PPFIA4: variants seen among roughly 807,000 people sequenced by gnomAD.
PPFIA4 encodes the protein PPFI scaffold protein A4.
A neutral mutation model predicts 145.7 loss-of-function variants in PPFIA4; 98 were observed. That is an observed-to-expected ratio of 0.67 (90% CI 0.57 to 0.80). The LOEUF (loss-of-function observed/expected upper bound fraction) is 0.80, where lower values mean the gene tolerates loss of function less well. Among genes scored for constraint, PPFIA4 ranks in the 30% least tolerant of loss-of-function variants. PPFIA4 has a pLI of 0.00. For synonymous variants in PPFIA4, 628 were observed against 649.6 expected (o/e 0.97, Z 0.51); for missense variants, 1,457 against 1,632.7 (o/e 0.89, Z 1.85).
At chr1:203,056,201 C>T (rs758050682) in intron 17 of PPFIA4, 46 bp downstream of exon 17, 2 of 1,612,874 alleles carry the variant, frequency 1.2e-6, no homozygotes, top group Admixed American at 3.3e-5. Flanking sequence ...TCACTGCTCC[C>T]ATGCCCTTTC....
At chr1:203,076,247 T>C in intron 29 of PPFIA4, 94 bp from the exon 30 acceptor site, 1 of 1,387,966 alleles carries the variant, frequency 7.2e-7, no homozygotes, top group Non-Finnish European at 1.0e-6. Flanking sequence ...TGGAGCACGC[T>C]GCGTTGCCGC....
intron 1 of PPFIA4, chr1:203,037,072 A>T (rs1659328752): frequency 4.1e-6 from 1 of 243,678 alleles, no homozygotes. Context: ...AAGGGCTGCG[A>T]GTGTGAGCTC....
rs1662622327 is a variant in PPFIA4 at position 203,077,483 on chromosome 1, G to C, written c.*1093G>C. The C allele has an allele frequency of 6.6e-6, 1 of 152,132 alleles. No homozygotes were observed. The highest frequency in any genetic ancestry group is 2.4e-5 in the African/African-American group (1 of 41,426). 9.4% of individuals were successfully genotyped at this position (152,132 alleles called of 1,614,324 possible). On this transcript the variant is annotated 3_prime_UTR_variant, in exon 30 of 30. Transcript: ENST00000295706. ...AGGCAGACTAAGGCCTCCTTTCTCTGACCTCCCAGGAAGAAAATAGCTTCT... is the reference window on the plus strand; with the variant it reads ...AGGCAGACTAAGGCCTCCTTTCTCTCACCTCCCAGGAAGAAAATAGCTTCT...
intron 28 of PPFIA4, among the ~76,000 whole-genome samples, chr1:203,072,676 A>G (rs529395319): frequency 2.6e-5 from 4 of 152,294 alleles, no homozygotes; most frequent in African/African-American, 9.6e-5. Context: ...CTTCAGTCCA[A>G]TCACTGTTTC....
Position 203,048,655 on chromosome 1 carries a change from G to A in PPFIA4, c.1297G>A (p.Glu433Lys), listed in dbSNP as rs758548812. ...LSDTVDRLLS[E>K]SNERLQLHLK... Reference sequence around the variant, plus strand: ...GGACACAGTGGACCGGCTGCTCAGCGAGTCCAACGAGCGTCTGCAGCTCCA... The same window carrying A: ...GGACACAGTGGACCGGCTGCTCAGCAAGTCCAACGAGCGTCTGCAGCTCCA... The change falls in exon 11 of 30, where the codon GAG becomes AAG. Residue 433 changes from glutamate to lysine, a missense_variant. Around this residue, in one of 3 missense-constraint regions of PPFIA4, gnomAD observed 848 missense variants for 1,046.7 expected, o/e 0.81. Transcript: ENST00000295706. The surrounding 1 kb of genome is among the most constrained non-coding windows in gnomAD (Gnocchi z 5.8). The A allele has an allele frequency of 2.5e-6, 4 of 1,607,478 alleles. No homozygotes were observed. The highest frequency in any genetic ancestry group is 8.5e-7 in the Non-Finnish European group (1 of 1,177,914).
rs1227504173 is a variant in PPFIA4 at position 203,060,069 on chromosome 1, T to C, written c.2584-148T>C. On this transcript the variant is annotated intron_variant, in intron 21 of 29. Coordinates refer to ENST00000295706, the MANE Select transcript of PPFIA4 (RefSeq NM_001304331.2). This position sits in a 1 kb window ranked among gnomAD's most constrained non-coding sequence, Gnocchi z 4.8. ...ACTTTTAATCTGTAAAATGGGAGAG[T>C]GAGGGGTTTGATGACCGCCACATTC... is the stretch of plus-strand genomic sequence containing the variant. 1.3e-6 allele frequency: 1 copy of C among 787,206 alleles called. No individual in the cohort carries two copies. The highest frequency in any genetic ancestry group is 2.1e-6 in the Non-Finnish European group (1 of 481,760). The allele number at this position is 787,206 out of a possible 1,614,324, so 48.8% of individuals were successfully genotyped here. A position where few individuals can be genotyped will look rare whatever the true frequency, so the allele number is the denominator to read the frequency against.
In PPFIA4 at chr1:203,044,794, T is replaced by A; in HGVS notation, c.666+9T>A. On this transcript the variant is annotated intron_variant, in intron 6 of 29. Coordinates refer to ENST00000295706, the MANE Select transcript of PPFIA4 (RefSeq NM_001304331.2). ...CGAAACGCCTGTGGAAGGTAGGTCA[T>A]GGAGAGCTGTGTAGCAGGGGTCATG... is the stretch of plus-strand genomic sequence containing the variant. 6.4e-7 allele frequency: 1 copy of A among 1,556,658 alleles called. No homozygotes were observed. The highest frequency in any genetic ancestry group is 8.7e-7 in the Non-Finnish European group (1 of 1,150,368).
At chr1:203,044,498 G>C (rs1358694218) in intron 5 of PPFIA4, 45 bp downstream of exon 5, 1 of 1,533,164 alleles carries the variant, frequency 6.5e-7, no homozygotes, top group Admixed American at 2.0e-5. Flanking sequence ...TGGAAGTCCA[G>C]GCTGGTTCAC....
At chr1:203,028,559 T>C (rs1045198512) in intron 1 of PPFIA4, among the ~76,000 whole-genome samples, 10 of 152,166 alleles carry the variant, frequency 6.6e-5, no homozygotes, top group Non-Finnish European at 1.5e-4. Flanking sequence ...AAGGACATTC[T>C]TCCCTGGGCT....
Position 203,055,995 on chromosome 1 carries a change from T to G in PPFIA4, c.2071-125T>G. 1 of 952,706 alleles carries G rather than the reference T, an allele frequency of 1.0e-6. No individual in the cohort carries two copies. The highest frequency in any genetic ancestry group is 1.6e-6 in the Non-Finnish European group (1 of 643,902). 59.0% of individuals were successfully genotyped at this position (952,706 alleles called of 1,614,324 possible). A position where few individuals can be genotyped will look rare whatever the true frequency, so the allele number is the denominator to read the frequency against. On this transcript the variant is annotated intron_variant, in intron 16 of 29. Coordinates refer to ENST00000295706, the MANE Select transcript of PPFIA4 (RefSeq NM_001304331.2). This position sits in a 1 kb window ranked among gnomAD's most constrained non-coding sequence, Gnocchi z 4.8. ...TTTTTTTTTTTTTCTGGCGTGATAT[T>G]CTCTCCGGGCCTGTGTGAGGCACTG...
chr1:203,034,183 T>G (rs1337910877), intron 1 of PPFIA4, among the ~76,000 whole-genome samples: 1 of 152,066 alleles, frequency 6.6e-6, no homozygotes, highest in Non-Finnish European at 1.5e-5. Context: ...GGAAGTGGTG[T>G]TTGAGATGAG....
In PPFIA4 at chr1:203,043,886, A is replaced by G; in HGVS notation, c.337-45A>G. The G allele has an allele frequency of 6.5e-7, 1 of 1,537,570 alleles. No individual in the cohort carries two copies. Among genetic ancestry groups the G allele is most frequent in the Non-Finnish European group, 8.8e-7 (1 of 1,139,558 alleles). Reference sequence around the variant, plus strand: ...ACCCTGCTTGTAGCCCCTGGGGCACATGCTTACAGCCCTCCCTCTCACCCT... The same window carrying G: ...ACCCTGCTTGTAGCCCCTGGGGCACGTGCTTACAGCCCTCCCTCTCACCCT... On this transcript the variant is annotated intron_variant, in intron 3 of 29. Transcript: ENST00000295706. The surrounding 1 kb of genome is among the most constrained non-coding windows in gnomAD (Gnocchi z 4.4).
Position 203,043,671 on chromosome 1 carries a change from G to A in PPFIA4, c.336+173G>A, listed in dbSNP as rs571415142. Among the ~76,000 whole-genome samples the A allele has an allele frequency of 1.2e-3, 190 of 152,230 alleles. No individual in the cohort carries two copies. Among genetic ancestry groups the A allele is most frequent in the African/African-American group, 4.2e-3 (176 of 41,526 alleles). On this transcript the variant is annotated intron_variant, in intron 3 of 29. Transcript: ENST00000295706. The surrounding 1 kb of genome is among the most constrained non-coding windows in gnomAD (Gnocchi z 4.4). ...CCCATCCTGGGGTGAGAGTTACATC[G>A]TTTAACCACCAGTGCTGGGCTCTCC... is the stretch of plus-strand genomic sequence containing the variant.
chr1:203,035,852 CT>C (rs11340451), intron 1 of PPFIA4, among the ~76,000 whole-genome samples: 134,858 of 152,200 alleles, frequency 0.89, 62,046 homozygotes, highest in Non-Finnish European at 1. Context: ...TCAGGGGCAT[CT>C]TGCCTGGCAG....
rs370075411 is a variant in PPFIA4, at chr1:203,067,262, G to A, written c.3051-433G>A. Among the ~76,000 whole-genome samples, 18 of 152,300 alleles carry A rather than the reference G, an allele frequency of 1.2e-4. 2 individuals are homozygous for A. Among genetic ancestry groups the A allele is most frequent in the Admixed American group, 7.8e-4 (12 of 15,304 alleles). ...AAGAGGGAGAGTGGCTGAAGTGGGT[G>A]TTAAATGGGTAGTGGAGCAGATCAT... On this transcript the variant is annotated intron_variant, in intron 25 of 29. Coordinates refer to ENST00000295706, the MANE Select transcript of PPFIA4 (RefSeq NM_001304331.2).
intron 2 of PPFIA4, among the ~76,000 whole-genome samples, chr1:203,042,573 C>T (rs1056646881): frequency 2.0e-5 from 3 of 152,228 alleles, no homozygotes; most frequent in Middle Eastern, 3.2e-3. Context: ...GCTGGAAGAG[C>T]TCCCTGGGGC....
intron 1 of PPFIA4, among the ~76,000 whole-genome samples, chr1:203,029,707 C>T (rs1249862647): frequency 9.9e-5 from 15 of 152,220 alleles, no homozygotes. Context: ...TCTGGGGACC[C>T]AGGACACTGG....
At chr1:203,071,810 T>C (rs537094664) in intron 28 of PPFIA4, 50 bp downstream of exon 28, 74 of 1,486,638 alleles carry the variant, frequency 5.0e-5, no homozygotes, top group Admixed American at 3.9e-4. Context: ...GTCATCTTCG[T>C]TGGATTGAGG....
At position 203,039,255 on chromosome 1, in the gene PPFIA4, G is replaced by A. The variant is rs1452866871; in HGVS notation, c.234+13G>A. ...CGCCCTCCCCCAGGTAAGGCCCGAA[G>A]GCCTGCGTCTCTCTTAACCCCTTTC... On this transcript the variant is annotated intron_variant, in intron 2 of 29. Coordinates refer to ENST00000295706, the MANE Select transcript of PPFIA4 (RefSeq NM_001304331.2). 3 of 1,550,756 alleles carry A rather than the reference G, an allele frequency of 1.9e-6. No individual in the cohort carries two copies. Among genetic ancestry groups the A allele is most frequent in the South Asian group, 2.4e-5 (2 of 83,482 alleles).
Sources: allele counts gnomAD v4.1 joint callset (sites outside exome capture counted in the v4.1 genomes callset), GRCh38; gene constraint gnomAD v4.1.1; regional missense constraint gnomAD v4.1.1; non-coding constraint Gnocchi (gnomAD v3.1); transcripts MANE v1.5; gene names NCBI Gene and HGNC (gene_info 2026-07-23, HGNC 2026-07-21).